The following MACROD1 variants were observed in gnomAD, a reference collection of about 807,000 sequenced individuals.
MACROD1 encodes the protein ADP-ribose glycohydrolase MACROD1.
MACROD1 carries 31 observed loss-of-function variants against 41.4 expected under a neutral mutation model. That is an observed-to-expected ratio of 0.75 (90% confidence interval 0.56 to 1.01). The LOEUF (loss-of-function observed/expected upper bound fraction) is 1.01. Among genes scored for constraint, MACROD1 ranks in the 50% least tolerant of loss-of-function variants. The probability of loss-of-function intolerance (pLI) is 0.00; values close to 1 mark genes in which losing one functional copy is unlikely to be tolerated. For synonymous variants in MACROD1, 252 were observed against 203.4 expected (o/e 1.24, Z -2.03); for missense variants, 473 against 460.0 (o/e 1.03, Z -0.26).
chr11:64,074,744 G>A (rs1251255211), intron 3 of MACROD1, among the ~76,000 whole-genome samples: 1 of 152,196 alleles, frequency 6.6e-6, no homozygotes, highest in African/African-American at 2.4e-5. Flanking sequence ...GAGGCCCAGG[G>A]GTGACCAGGC....
intron 3 of MACROD1, chr11:64,148,883 A>G: frequency 1.0e-6 from 1 of 985,550 alleles, no homozygotes; most frequent in Non-Finnish European, 1.2e-6. Context: ...AGGCCTGACC[A>G]GTGCCAAAGC....
intron 5 of MACROD1, 74 bp from the exon 6 acceptor site, chr11:63,999,837 TGGGCAGAAGG>T (rs917588945): frequency 1.4e-5 from 21 of 1,499,030 alleles, no homozygotes; most frequent in Non-Finnish European, 1.8e-5. Flanking sequence ...CCTGCCGGCC[TGGGCAGAAGG>T]GGGCAGGAAA....
intron 3 of MACROD1, among the ~76,000 whole-genome samples, chr11:64,099,630 G>A (rs1944636696): frequency 6.6e-6 from 1 of 151,878 alleles, no homozygotes. Context: ...AAGGATGGAT[G>A]GATGGAGAGA....
At chr11:64,093,098 T>G (rs1944519040) in intron 3 of MACROD1, among the ~76,000 whole-genome samples, 1 of 152,156 alleles carries the variant, frequency 6.6e-6, no homozygotes, top group African/African-American at 2.4e-5. Flanking sequence ...TGTGGGACCC[T>G]GGGCAGGCTC....
At chr11:64,034,559 C>T (rs1343847036) in intron 3 of MACROD1, among the ~76,000 whole-genome samples, 3 of 152,096 alleles carry the variant, frequency 2.0e-5, no homozygotes, top group East Asian at 1.9e-4. Flanking sequence ...CCAGAGGCGG[C>T]GGCCTCAGGC....
At chr11:64,150,786 A>G (rs886971421) in intron 3 of MACROD1, among the ~76,000 whole-genome samples, 3 of 152,186 alleles carry the variant, frequency 2.0e-5, no homozygotes, top group Non-Finnish European at 4.4e-5. Flanking sequence ...TAGGCTCTGG[A>G]AAGCTGCCAG....
chr11:64,004,409 T>C (rs1329852313), intron 4 of MACROD1, among the ~76,000 whole-genome samples: 4 of 152,190 alleles, frequency 2.6e-5, no homozygotes, highest in Non-Finnish European at 4.4e-5. Flanking sequence ...GAAGATTAGA[T>C]ATTTAAATTT....
At chr11:64,035,564 C>T (rs1465031294) in intron 3 of MACROD1, among the ~76,000 whole-genome samples, 1 of 140,530 alleles carries the variant, frequency 7.1e-6, no homozygotes, top group Non-Finnish European at 1.6e-5. Flanking sequence ...GGGGTCGGCT[C>T]CCCCACCCGC....
intron 3 of MACROD1, among the ~76,000 whole-genome samples, chr11:64,050,063 T>C (rs1460808252): frequency 6.6e-6 from 1 of 152,152 alleles, no homozygotes; most frequent in East Asian, 1.9e-4. Context: ...GGTGATGGCC[T>C]ACTCTTCCCT....
At chr11:64,072,971 G>A (rs1460980949) in intron 3 of MACROD1, among the ~76,000 whole-genome samples, 2 of 152,194 alleles carry the variant, frequency 1.3e-5, no homozygotes, top group Non-Finnish European at 2.9e-5. Flanking sequence ...TAACTGCCCT[G>A]TCTTCTGAAG....
chr11:64,127,752 T>G (rs551455716), intron 3 of MACROD1, among the ~76,000 whole-genome samples: 85 of 152,244 alleles, frequency 5.6e-4, no homozygotes, highest in African/African-American at 1.6e-3. Flanking sequence ...AGCAACCAAG[T>G]GGCTCCGGGG....
chr11:64,140,208 C>T (rs1405396343), intron 3 of MACROD1, among the ~76,000 whole-genome samples: 1 of 152,230 alleles, frequency 6.6e-6, no homozygotes, highest in Non-Finnish European at 1.5e-5. Flanking sequence ...GGGGACATCC[C>T]CTGTCCTAGC....
chr11:64,163,255 A>T (rs749442293), intron 1 of MACROD1, among the ~76,000 whole-genome samples: 4 of 152,198 alleles, frequency 2.6e-5, no homozygotes, highest in Non-Finnish European at 4.4e-5. Context: ...CAGTGACATC[A>T]CACCACTGCA....
At chr11:64,118,345 A>G (rs1945035848) in intron 3 of MACROD1, 1 of 1,497,670 alleles carries the variant, frequency 6.7e-7, no homozygotes, top group Non-Finnish European at 8.9e-7. Flanking sequence ...TGGCGTGGCC[A>G]TGTGGCTTTG....
intron 3 of MACROD1, among the ~76,000 whole-genome samples, chr11:64,141,285 G>A (rs1945409484): frequency 6.6e-6 from 1 of 152,228 alleles, no homozygotes; most frequent in Admixed American, 6.5e-5. Flanking sequence ...GACTCATCCA[G>A]GAAGCCCCAG....
intron 3 of MACROD1, among the ~76,000 whole-genome samples, chr11:64,076,988 C>T (rs925589172): frequency 3.3e-5 from 5 of 149,908 alleles, no homozygotes; most frequent in East Asian, 2.1e-4. Flanking sequence ...GGCTGAGTGA[C>T]GGATGGGAGC....
At chr11:64,059,609 C>T (rs1943857962) in intron 3 of MACROD1, among the ~76,000 whole-genome samples, 1 of 152,180 alleles carries the variant, frequency 6.6e-6, no homozygotes, top group Non-Finnish European at 1.5e-5. Flanking sequence ...CCGCAGGGGT[C>T]TCGGGGTACC....
intron 3 of MACROD1, among the ~76,000 whole-genome samples, chr11:64,016,305 T>A (rs1217513768): frequency 6.6e-6 from 1 of 152,238 alleles, no homozygotes; most frequent in Non-Finnish European, 1.5e-5. Flanking sequence ...CCGTGGTAAC[T>A]GCCAGAGCTC....
chr11:64,042,346 C>T (rs145345311), intron 3 of MACROD1, among the ~76,000 whole-genome samples: 5,032 of 152,266 alleles, frequency 0.033, 119 homozygotes, highest in Non-Finnish European at 0.049. Context: ...CCCGTGCAGT[C>T]CCCTGCCCTT....
Sources: gnomAD v4.1 joint callset for allele counts (sites outside exome capture counted in the v4.1 genomes callset) on GRCh38, gnomAD v4.1.1 for gene constraint, MANE v1.5 for transcripts, NCBI Gene and HGNC (gene_info 2026-07-23, HGNC 2026-07-21) for gene names.